Variants in NELFB observed in about 807,000 individuals in gnomAD.
NELFB encodes negative elongation factor complex member B, also known as negative elongation factor B.
NELFB carries 34 observed loss-of-function variants against 60.2 expected under a neutral mutation model. The ratio of observed to expected loss-of-function variants is 0.56; its 90% CI spans 0.43 to 0.75. The LOEUF (loss-of-function observed/expected upper bound fraction) is 0.75. NELFB is among the 30% of genes least tolerant of loss of function. The pLI is 0.00. For synonymous variants in NELFB, 459 were observed against 382.1 expected (o/e 1.20, Z -2.35); for missense variants, 770 against 831.6 (o/e 0.93, Z 0.91).
At chr9:137,262,502 G>A (rs1320479036) in intron 4 of NELFB, among the ~76,000 whole-genome samples, 1 of 152,206 alleles carries the variant, frequency 6.6e-6, no homozygotes, top group African/African-American at 2.4e-5. Context: ...GATTATGATT[G>A]TAGAGCGAGG....
At chr9:137,263,406 C>T (rs1481223350) in intron 5 of NELFB, among the ~76,000 whole-genome samples, 184 bp downstream of exon 5, 2 of 94,738 alleles carry the variant, frequency 2.1e-5, no homozygotes, top group African/African-American at 4.3e-5. Context: ...CCTCCCCCTC[C>T]GCCCTCCTGA....
chr9:137,266,910 G>A, intron 8 of NELFB, 34 bp from the exon 9 acceptor site: 1 of 1,608,826 alleles, frequency 6.2e-7, no homozygotes, highest in Non-Finnish European at 8.5e-7. Context: ...CAGGGCCCGG[G>A]CCCGCGCCCG....
intron 4 of NELFB, 61 bp downstream of exon 4, chr9:137,257,115 T>C (rs974239066): frequency 2.0e-4 from 283 of 1,434,958 alleles, no homozygotes; most frequent in Non-Finnish European, 2.2e-4. Context: ...GCTAGCGCCT[T>C]CAGCTGCCTG....
Position 137,272,531 on chromosome 9 carries a change from G to T in NELFB, c.1656G>T (p.Ala552=). 2 of 1,612,330 alleles carry T rather than the reference G, an allele frequency of 1.2e-6. No individual in the cohort carries two copies. Among genetic ancestry groups the T allele is most frequent in the Non-Finnish European group, 8.5e-7 (1 of 1,179,636 alleles). Reference sequence around the variant, plus strand: ...GGAAGGAGAACGTGCACCGGCACGCGCTGCGGCTCCTCATTCACCTGCACC... The same window carrying T: ...GGAAGGAGAACGTGCACCGGCACGCTCTGCGGCTCCTCATTCACCTGCACC... The change falls in exon 12 of 13, where the codon GCG becomes GCT. Residue 552 remains alanine, a synonymous_variant. Transcript: ENST00000343053.
intron 5 of NELFB, among the ~76,000 whole-genome samples, 195 bp from the exon 6 acceptor site, chr9:137,264,049 AC>A (rs1830489020): frequency 6.6e-6 from 1 of 152,134 alleles, no homozygotes; most frequent in African/African-American, 2.4e-5. Flanking sequence ...CACTTTCTCC[AC>A]CACTGTCCTG....
At chr9:137,260,119 G>GCAGTGGT (rs1830414681) in intron 4 of NELFB, among the ~76,000 whole-genome samples, 1 of 145,014 alleles carries the variant, frequency 6.9e-6, no homozygotes, top group Non-Finnish European at 1.5e-5. Flanking sequence ...GTGCAATCTC[G>GCAGTGGT]GCTCACTGCA....
Position 137,266,988 on chromosome 9 carries a change from C to T in NELFB, c.1284C>T (p.Phe428=), listed in dbSNP as rs1347274705. The T allele has an allele frequency of 2.5e-6, 4 of 1,614,016 alleles. No homozygotes were observed. The highest frequency in any genetic ancestry group is 2.5e-6 in the Non-Finnish European group (3 of 1,180,010). The change falls in exon 9 of 13, where the codon TTC becomes TTT. Residue 428 remains phenylalanine (F), a synonymous_variant. Transcript: ENST00000343053. ...GGTTCCTCCCGATGCTCATGTCCTT[C>T]CTGGTGGATGACTACACTTTCAATG...
intron 7 of NELFB, 43 bp downstream of exon 7, chr9:137,266,022 A>G (rs759140256): frequency 3.5e-6 from 5 of 1,448,334 alleles, no homozygotes; most frequent in Non-Finnish European, 3.9e-6. Flanking sequence ...CCATGCGGCC[A>G]CTCCGCTGGC....
intron 1 of NELFB, 141 bp downstream of exon 1, chr9:137,255,752 A>C (rs1837540512): frequency 6.9e-7 from 1 of 1,444,570 alleles, no homozygotes. Context: ...GTCCGGAGCC[A>C]GCACCCCTTT....
At position 137,272,070 on chromosome 9, in the gene NELFB, T is replaced by C. The variant is rs201775255; in HGVS notation, c.1490-11T>C. 1.4e-4 allele frequency: 230 copies of C among 1,614,148 alleles called. No homozygotes were observed. In the African/African-American group the frequency reaches 2.4e-3, roughly 17 times the overall value. On this transcript the variant is annotated splice_polypyrimidine_tract_variant and intron_variant, in intron 10 of 12. Coordinates refer to ENST00000343053, the MANE Select transcript of NELFB (RefSeq NM_015456.5). ...TGAGTGGCACTGGGCTGATGCCTGC[T>C]GTGTCTGCAGTGGAGACCTTTGGCG...
chr9:137,259,121 A>G (rs564268282), intron 4 of NELFB, among the ~76,000 whole-genome samples: 7 of 152,264 alleles, frequency 4.6e-5, no homozygotes, highest in African/African-American at 1.7e-4. Flanking sequence ...GGCCTCGGAT[A>G]TTGAGGCTGC....
At chr9:137,259,013 G>A (rs897289356) in intron 4 of NELFB, among the ~76,000 whole-genome samples, 2 of 152,086 alleles carry the variant, frequency 1.3e-5, no homozygotes, top group East Asian at 3.9e-4. Context: ...AGACCAAAGG[G>A]AGACCTTGTC....
At chr9:137,266,184 T>C in intron 7 of NELFB, 147 bp from the exon 8 acceptor site, 1 of 774,614 alleles carries the variant, frequency 1.3e-6, no homozygotes, top group South Asian at 1.7e-5. Context: ...AGACTGCGTT[T>C]CACCCCGTGT....
chr9:137,266,304 G>A (rs1469956660), intron 7 of NELFB, 27 bp from the exon 8 acceptor site: 5 of 1,595,636 alleles, frequency 3.1e-6, no homozygotes, highest in East Asian at 2.2e-5. Flanking sequence ...CTGCCTGGGA[G>A]AGGCGCTGAG....
In NELFB at chr9:137,266,525, C is replaced by A. The variant is rs912259193; in HGVS notation, c.1239+99C>A. On this transcript the variant is annotated intron_variant, in intron 8 of 12. Transcript: ENST00000343053. ...CGCTAGCAAGGTGATTGTGGAGGCC[C>A]CTTTGGTCCCAAAGCTTCCTTCCTG... The A allele has an allele frequency of 2.3e-5, 23 of 1,021,272 alleles. No homozygotes were observed. In the Admixed American group the frequency reaches 4.9e-4, roughly 22 times the overall value. The allele number at this position is 1,021,272 out of a possible 1,614,324, so 63.3% of individuals were successfully genotyped here.
intron 10 of NELFB, among the ~76,000 whole-genome samples, chr9:137,267,970 C>A (rs1246666522): frequency 1.3e-5 from 2 of 152,196 alleles, no homozygotes; most frequent in Non-Finnish European, 1.5e-5. Flanking sequence ...GGAGAGAGAT[C>A]CCCTGCCCCA....
rs1435441399 is a variant in NELFB at position 137,255,483 on chromosome 9, A to AG, written c.119dup (p.Ser40ArgfsTer77). 6.6e-7 allele frequency: 1 copy of AG among 1,523,120 alleles called. No individual in the cohort carries two copies. The highest frequency in any genetic ancestry group is 2.1e-5 in the Admixed American group (1 of 48,430). 94.4% of individuals were successfully genotyped at this position (1,523,120 alleles called of 1,614,324 possible). On this transcript the variant is annotated frameshift_variant, in exon 1 of 13. Coordinates refer to ENST00000343053, the MANE Select transcript of NELFB (RefSeq NM_015456.5). LOFTEE classifies it high-confidence loss of function. ...GGAACGGGCTGGGGATGGGGCGCCTAGCCGGGCGGTGGCCGGGGCCTCGGC... is the reference window on the plus strand; with the variant it reads ...GGAACGGGCTGGGGATGGGGCGCCTAGGCCGGGCGGTGGCCGGGGCCTCGGC...
At position 137,255,925 on chromosome 9, in the gene NELFB, CT is replaced by C. The variant is rs763514372; in HGVS notation, c.266del (p.Leu89ArgfsTer64). ...TCCTCAGACAGAGAATGGTGTGCTG[CT>C]GCCATCTCTTCAGTCAGCCCTCCCC... On this transcript the variant is annotated frameshift_variant, in exon 2 of 13. Transcript: ENST00000343053. LOFTEE classifies it high-confidence loss of function. The C allele has an allele frequency of 6.2e-7, 1 of 1,614,046 alleles. No individual in the cohort carries two copies. Among genetic ancestry groups the C allele is most frequent in the Non-Finnish European group, 8.5e-7 (1 of 1,180,022 alleles).
At position 137,272,544 on chromosome 9, in the gene NELFB, A is replaced by T. The variant is rs575038268; in HGVS notation, c.1669A>T (p.Ile557Phe). Residue 557 changes from isoleucine to phenylalanine, a missense_variant, in exon 12 of 13, where the codon ATT (isoleucine) becomes TTT (phenylalanine). Physicochemically the swap from Ile to Phe is conservative, Grantham distance 21. Coordinates refer to ENST00000343053, the MANE Select transcript of NELFB (RefSeq NM_015456.5). The stretch of plus-strand genomic sequence containing the variant: ...GCACCGGCACGCGCTGCGGCTCCTC[A>T]TTCACCTGCACCCCAGGGTGGCCCC... 2 of 1,612,260 alleles carry T rather than the reference A, an allele frequency of 1.2e-6. No individual in the cohort carries two copies. The highest frequency in any genetic ancestry group is 1.3e-5 in the African/African-American group (1 of 74,898).
Sources: allele counts gnomAD v4.1 joint callset (sites outside exome capture counted in the v4.1 genomes callset), GRCh38; gene constraint gnomAD v4.1.1; transcripts MANE v1.5; gene names NCBI Gene and HGNC (gene_info 2026-07-23, HGNC 2026-07-21).